Variants in LRRC4C observed in about 807,000 individuals in gnomAD.
LRRC4C encodes leucine-rich repeat-containing protein 4C.
LRRC4C carries 5 observed loss-of-function variants against 33.6 expected under a neutral mutation model. The ratio of observed to expected loss-of-function variants is 0.15; its 90% CI spans 0.08 to 0.31. LRRC4C has a LOEUF of 0.31. LRRC4C is among the 10% of genes least tolerant of loss of function. The pLI is 1.00. For synonymous variants in LRRC4C, 329 were observed against 302.0 expected (o/e 1.09, Z -0.93); for missense variants, 560 against 796.7 (o/e 0.70, Z 3.58).
chr11:40,275,568 A>G (rs994575688), intron 4 of LRRC4C, among the ~76,000 whole-genome samples: 2 of 152,078 alleles, frequency 1.3e-5, no homozygotes, highest in Non-Finnish European at 2.9e-5. Context: ...TTGAGCTCTA[A>G]ATTACCGCTC....
chr11:40,435,790 C>G (rs1024799974), intron 3 of LRRC4C, among the ~76,000 whole-genome samples: 1 of 152,136 alleles, frequency 6.6e-6, no homozygotes, highest in Non-Finnish European at 1.5e-5. Context: ...GTTGTTTTAG[C>G]TCATACCAGT....
intron 1 of LRRC4C, among the ~76,000 whole-genome samples, chr11:41,340,602 C>T (rs1430476846): frequency 2.6e-5 from 4 of 152,042 alleles, no homozygotes; most frequent in Non-Finnish European, 5.9e-5. Context: ...GTTTGGGGCC[C>T]TTATCCAAAG....
chr11:41,226,741 T>TAC (rs59285418), intron 1 of LRRC4C, among the ~76,000 whole-genome samples: 4,347 of 137,042 alleles, frequency 0.032, 81 homozygotes, highest in East Asian at 0.064. Flanking sequence ...TCCTTACCAT[T>TAC]ACACACACAC....
chr11:40,128,998 C>T (rs1856459832), intron 6 of LRRC4C, among the ~76,000 whole-genome samples: 1 of 152,118 alleles, frequency 6.6e-6, no homozygotes. Context: ...CCTGTCTCAC[C>T]TCAGTGGAAG....
At chr11:41,400,832 T>C (rs1189231357) in intron 1 of LRRC4C, among the ~76,000 whole-genome samples, 1 of 151,400 alleles carries the variant, frequency 6.6e-6, no homozygotes, top group East Asian at 1.9e-4. Flanking sequence ...TACTAGAGTT[T>C]ATTTAAGGTT....
intron 3 of LRRC4C, among the ~76,000 whole-genome samples, chr11:40,321,151 G>A (rs185528669): frequency 1.3e-5 from 2 of 152,242 alleles, no homozygotes; most frequent in African/African-American, 4.8e-5. Flanking sequence ...CCAACAATAT[G>A]TAAGATAGCT....
intron 2 of LRRC4C, among the ~76,000 whole-genome samples, chr11:40,668,811 T>G (rs1222459587): frequency 6.6e-6 from 1 of 152,180 alleles, no homozygotes; most frequent in Non-Finnish European, 1.5e-5. Context: ...TTTATATTCG[T>G]CCCAAAGCCA....
chr11:41,143,349 T>C (rs1336807948), intron 1 of LRRC4C, among the ~76,000 whole-genome samples: 1 of 152,140 alleles, frequency 6.6e-6, no homozygotes, highest in Non-Finnish European at 1.5e-5. Context: ...GTACCTACTT[T>C]GTACTAATAG....
chr11:40,957,414 T>C (rs1361198846), intron 1 of LRRC4C, among the ~76,000 whole-genome samples: 2 of 151,684 alleles, frequency 1.3e-5, no homozygotes, highest in African/African-American at 4.8e-5. Context: ...AAGCCATGTG[T>C]TTTACAGATA....
At chr11:41,179,419 A>T (rs1228784819) in intron 1 of LRRC4C, among the ~76,000 whole-genome samples, 1 of 152,208 alleles carries the variant, frequency 6.6e-6, no homozygotes, top group Non-Finnish European at 1.5e-5. Flanking sequence ...GGCCAAACCT[A>T]TCTGGCCTGA....
rs1555095279 is a variant in LRRC4C at position 41,163,284 on chromosome 11, G to GTTTTTTTTTTTGT, written c.-495-229562_-495-229561insACAAAAAAAAAAA. Among the ~76,000 whole-genome samples the GTTTTTTTTTTTGT allele has an allele frequency of 1.9e-4, 14 of 73,374 alleles. 4 individuals carry two copies. The South Asian group carries it at 7.1e-3, about 37-fold the overall frequency. 48.1% of individuals were successfully genotyped at this position (73,374 alleles called of 152,430 possible). On this transcript the variant is annotated intron_variant, in intron 1 of 6. Coordinates refer to ENST00000528697, the MANE Select transcript of LRRC4C (RefSeq NM_001258419.2). ...GTAATAAACTTAGTTTACTGTAACT[G>GTTTTTTTTTTTGT]TTTTTTTTTTTTTTTTTCAAACAGG...
intron 1 of LRRC4C, among the ~76,000 whole-genome samples, chr11:41,066,228 C>G (rs1487974716): frequency 6.6e-6 from 1 of 152,110 alleles, no homozygotes; most frequent in African/African-American, 2.4e-5. Context: ...CATAAATGAC[C>G]TGATGGAGTG....
chr11:40,342,122 C>G (rs967626007), intron 3 of LRRC4C, among the ~76,000 whole-genome samples: 2 of 152,014 alleles, frequency 1.3e-5, no homozygotes, highest in Non-Finnish European at 2.9e-5. Context: ...AGTTTTTCCC[C>G]AAAATATTAA....
At chr11:40,832,598 A>G (rs1207269991) in intron 2 of LRRC4C, among the ~76,000 whole-genome samples, 3 of 152,126 alleles carry the variant, frequency 2.0e-5, no homozygotes, top group Non-Finnish European at 4.4e-5. Flanking sequence ...CACTGCCACA[A>G]ATGGCAAGCA....
chr11:41,147,464 T>C (rs562257698), intron 1 of LRRC4C, among the ~76,000 whole-genome samples: 18 of 152,336 alleles, frequency 1.2e-4, no homozygotes, highest in African/African-American at 4.1e-4. Flanking sequence ...GCTTGGTACA[T>C]CAACCTACTT....
chr11:40,224,843 C>T (rs1212976583), intron 5 of LRRC4C, among the ~76,000 whole-genome samples: 1 of 152,168 alleles, frequency 6.6e-6, no homozygotes, highest in African/African-American at 2.4e-5. Context: ...ATTTGACTCT[C>T]ATAGCTTCAT....
chr11:40,441,706 T>A (rs931686291), intron 3 of LRRC4C, among the ~76,000 whole-genome samples: 3 of 152,202 alleles, frequency 2.0e-5, no homozygotes, highest in African/African-American at 7.2e-5. Flanking sequence ...AAGTCTTCTA[T>A]GAGAAGGTGA....
chr11:41,033,126 G>A (rs1476944893), intron 1 of LRRC4C, among the ~76,000 whole-genome samples: 1 of 151,928 alleles, frequency 6.6e-6, no homozygotes, highest in Admixed American at 6.6e-5. Context: ...GAGAATCTAT[G>A]AGAGTGAGAT....
At chr11:40,136,260 C>T (rs1338623116) in intron 6 of LRRC4C, among the ~76,000 whole-genome samples, 1 of 151,636 alleles carries the variant, frequency 6.6e-6, no homozygotes, top group East Asian at 1.9e-4. Flanking sequence ...CATCCAGAGA[C>T]TTTTCTTTTT....
Sources: allele counts gnomAD v4.1 joint callset (sites outside exome capture counted in the v4.1 genomes callset), GRCh38; gene constraint gnomAD v4.1.1; transcripts MANE v1.5; gene names NCBI Gene and HGNC (gene_info 2026-07-23, HGNC 2026-07-21).